The following SIN3B variants were observed in gnomAD, a reference collection of about 807,000 sequenced individuals.
SIN3B encodes SIN3 transcription regulator family member B.
A neutral mutation model predicts 120.2 loss-of-function variants in SIN3B; 19 were observed. That is an observed-to-expected ratio of 0.16 (90% CI 0.11 to 0.23). The LOEUF is 0.23. Among genes scored for constraint, SIN3B ranks in the 10% least tolerant of loss-of-function variants. The pLI is 1.00. For missense variants in SIN3B, 1,073 were observed against 1,573.0 expected (o/e 0.68, Z 5.38); for synonymous variants, 654 against 653.2 (o/e 1.00, Z -0.02).
rs559993443 is a variant in SIN3B at position 16,876,982 on chromosome 19, G to A, written c.2859+404G>A. On this transcript the variant is annotated intron_variant, in intron 16 of 18. Transcript: ENST00000248054. The surrounding 1 kb of genome is among the most constrained non-coding windows in gnomAD (Gnocchi z 7.1). The stretch of plus-strand genomic sequence containing the variant: ...AGCTCCCAGTCACAATTTTTGCGGG[G>A]ACAGATGTTTCCTGCTCACCTCCCG... The A allele has an allele frequency of 9.8e-6, 2 of 204,912 alleles. No homozygotes were observed. Among genetic ancestry groups the A allele is most frequent in the African/African-American group, 4.6e-5 (2 of 43,036 alleles). The allele number at this position is 204,912 out of a possible 1,614,324, so 12.7% of individuals were successfully genotyped here.
At chr19:16,832,703 A>G (rs907881288) in intron 3 of SIN3B, among the ~76,000 whole-genome samples, 3 of 151,380 alleles carry the variant, frequency 2.0e-5, no homozygotes, top group South Asian at 2.1e-4. Context: ...GGGTCTCACT[A>G]TGTTGCCCAG....
At position 16,869,498 on chromosome 19, in the gene SIN3B, T is replaced by C. The variant is rs145138077; in HGVS notation, c.1845T>C (p.Ser615=). 1.9e-6 allele frequency: 3 copies of C among 1,612,792 alleles called. No individual in the cohort carries two copies. The African/African-American group carries it at 4.0e-5, about 22-fold the overall frequency. The change falls in exon 13 of 19, where the codon TCT becomes TCC. Residue 615 remains serine (S), a synonymous_variant. Transcript: ENST00000248054. ...ACTCGGAGGGCCGCAGTGCCCCCTC[T>C]AGCGAGCCGCACCTCATCTTTGTGT... ...EQHSEGRSAP[S]SEPHLIFVYE... is the part of the protein sequence containing the mutation.
intron 3 of SIN3B, among the ~76,000 whole-genome samples, chr19:16,836,805 T>A (rs1394682263): frequency 6.6e-6 from 1 of 152,152 alleles, no homozygotes; most frequent in Non-Finnish European, 1.5e-5. Flanking sequence ...GCTCCTAACT[T>A]AAGCAGCCCC....
chr19:16,859,149 C>CA (rs1326813286), intron 8 of SIN3B, among the ~76,000 whole-genome samples: 9 of 150,268 alleles, frequency 6.0e-5, no homozygotes, highest in South Asian at 2.1e-4. Context: ...GAACCTGTCT[C>CA]AAAAAAAAAT....
In SIN3B at chr19:16,855,369, T is replaced by TCCCC. The variant is rs1491247135; in HGVS notation, c.1058+1108_1058+1109insCCCC. 1.9e-4 allele frequency: 6 copies of TCCCC among 31,742 alleles called. 2 individuals are homozygous for TCCCC. Among genetic ancestry groups the TCCCC allele is most frequent in the Non-Finnish European group, 2.6e-4 (4 of 15,448 alleles). 2.0% of individuals were successfully genotyped at this position (31,742 alleles called of 1,614,324 possible). ...CAGGAGGAACCCTCTGGGAGAAACC[T>TCCCC]TCCCCCCCCCCCCCCCAGCAAAATT... is the stretch of plus-strand genomic sequence containing the variant. On this transcript the variant is annotated intron_variant, in intron 8 of 18. Transcript: ENST00000248054.
rs749408125 is a variant in SIN3B, at chr19:16,869,443, C to T, written c.1807-17C>T. Reference sequence around the variant, plus strand: ...GCTGGGTGGCTTTCCACCTAATGGCCGCCCTTCCCCCCACAGCACCAGGAG... The same window carrying T: ...GCTGGGTGGCTTTCCACCTAATGGCTGCCCTTCCCCCCACAGCACCAGGAG... On this transcript the variant is annotated splice_polypyrimidine_tract_variant and intron_variant, in intron 12 of 18. Coordinates refer to ENST00000248054, the MANE Select transcript of SIN3B (RefSeq NM_001297595.2). The T allele has an allele frequency of 1.0e-5, 16 of 1,590,742 alleles. No individual in the cohort carries two copies. Among genetic ancestry groups the T allele is most frequent in the South Asian group, 3.4e-5 (3 of 88,984 alleles).
At chr19:16,834,590 G>A (rs1050142056) in intron 3 of SIN3B, among the ~76,000 whole-genome samples, 12 of 152,168 alleles carry the variant, frequency 7.9e-5, no homozygotes, top group African/African-American at 2.7e-4. Context: ...CTTGGTCATC[G>A]TGCTGCAGCC....
In SIN3B at chr19:16,878,337, G is replaced by A. The variant is rs756179341; in HGVS notation, c.3109G>A (p.Val1037Met). 20 of 1,612,454 alleles carry A rather than the reference G, an allele frequency of 1.2e-5. No homozygotes were observed. The highest frequency in any genetic ancestry group is 6.7e-5 in the African/African-American group (5 of 74,922). The change falls in exon 18 of 19, where the codon GTG becomes ATG. Residue 1037 changes from valine (V) to methionine (M), a missense_variant. Physicochemically the swap from Val to Met is conservative, Grantham distance 21. Coordinates refer to ENST00000248054, the MANE Select transcript of SIN3B (RefSeq NM_001297595.2). ...KLSTHKMVFI[V>M]NSEDYMYRRG... Reference sequence around the variant, plus strand: ...CAGCACTCACAAGATGGTGTTCATCGTGAACTCCGAGGACTACATGTACCG... The same window carrying A: ...CAGCACTCACAAGATGGTGTTCATCATGAACTCCGAGGACTACATGTACCG...
chr19:16,830,120 G>C (rs755208860), intron 2 of SIN3B, among the ~76,000 whole-genome samples: 4 of 152,218 alleles, frequency 2.6e-5, no homozygotes, highest in East Asian at 3.8e-4. Flanking sequence ...CAGGGATCTG[G>C]GGGGAGGCAG....
chr19:16,863,844 T>G, intron 10 of SIN3B, 48 bp downstream of exon 10: 5 of 1,348,334 alleles, frequency 3.7e-6, no homozygotes, highest in Non-Finnish European at 5.3e-6. Context: ...CCTGTTCCCC[T>G]TCTCCATGGG....
At chr19:16,836,907 C>T (rs1971355723) in intron 3 of SIN3B, among the ~76,000 whole-genome samples, 1 of 152,188 alleles carries the variant, frequency 6.6e-6, no homozygotes, top group African/African-American at 2.4e-5. Context: ...CTTCTTGGCT[C>T]ATGGAGCAGG....
intron 3 of SIN3B, among the ~76,000 whole-genome samples, chr19:16,836,136 C>T (rs1053996469): frequency 6.6e-6 from 1 of 152,160 alleles, no homozygotes; most frequent in Non-Finnish European, 1.5e-5. Flanking sequence ...CCAGACTGTT[C>T]TTTATGGCGA....
rs193154659 is a variant in SIN3B, at chr19:16,848,720, C to T, written c.726+1607C>T. Among the ~76,000 whole-genome samples the T allele has an allele frequency of 1.0e-3, 155 of 152,290 alleles. 1 individual carries two copies. The highest frequency in any genetic ancestry group is 4.1e-3 in the East Asian group (21 of 5,180). On this transcript the variant is annotated intron_variant, in intron 5 of 18. Transcript: ENST00000248054. ...TTCGCCATGTTGCCCAGGCTGGTCT[C>T]GAGCTCCTGGCCTCAAGCGATCCAC...
At position 16,866,554 on chromosome 19, in the gene SIN3B, G is replaced by C; in HGVS notation, c.1804G>C (p.Glu602Gln). The C allele has an allele frequency of 6.2e-7, 1 of 1,613,554 alleles. No individual in the cohort carries two copies. Among genetic ancestry groups the C allele is most frequent in the Non-Finnish European group, 8.5e-7 (1 of 1,179,938 alleles). Residue 602 changes from glutamate (E) to glutamine (Q), a missense_variant and splice_region_variant, in exon 12 of 19, where the codon GAG becomes CAG. Physicochemically the swap from Glu to Gln is conservative, Grantham distance 29. Coordinates refer to ENST00000248054, the MANE Select transcript of SIN3B (RefSeq NM_001297595.2). ...CAACGAGATCGAGAGCGTCTACGAC[G>C]AGGTAAAGCCTTCCCTAGCCCTGCC... is the stretch of plus-strand genomic sequence containing the variant. Reference protein sequence around the residue: ...LLNEIESVYDEHQEQHSEGRS... With the variant: ...LLNEIESVYDQHQEQHSEGRS...
intron 10 of SIN3B, 96 bp from the exon 11 acceptor site, chr19:16,865,314 C>CA (rs1193402606): frequency 1.3e-5 from 7 of 550,312 alleles, no homozygotes; most frequent in African/African-American, 1.2e-4. Flanking sequence ...ACACCCCCCC[C>CA]CCAAAAAAAT....
At chr19:16,841,721 CT>C in intron 3 of SIN3B, 46 bp from the exon 4 acceptor site, 1 of 1,559,214 alleles carries the variant, frequency 6.4e-7, no homozygotes, top group Non-Finnish European at 8.8e-7. Context: ...TTTTCACAAT[CT>C]GTTTCCAGTG....
In SIN3B at chr19:16,869,883, T is replaced by C; in HGVS notation, c.2230T>C (p.Phe744Leu). ...KPLDDVYSLF[F>L]ANNNWYFFLR... ...CCTGGACGATGTCTACAGCCTATTT[T>C]TTGCCAACAACAACTGGTACTTCTT... The change falls in exon 13 of 19, where the codon TTT (phenylalanine) becomes CTT (leucine). Residue 744 changes from phenylalanine to leucine, a missense_variant. Phe to Leu is a conservative substitution (Grantham distance 22). Coordinates refer to ENST00000248054, the MANE Select transcript of SIN3B (RefSeq NM_001297595.2). 6.2e-7 allele frequency: 1 copy of C among 1,614,238 alleles called. No homozygotes were observed. Among genetic ancestry groups the C allele is most frequent in the Non-Finnish European group, 8.5e-7 (1 of 1,180,048 alleles).
rs777836617 is a variant in SIN3B, at chr19:16,829,831, G to A, written c.161G>A (p.Arg54His). 2 of 1,613,466 alleles carry A rather than the reference G, an allele frequency of 1.2e-6. No homozygotes were observed. Among genetic ancestry groups the A allele is most frequent in the Non-Finnish European group, 1.7e-6 (2 of 1,179,690 alleles). Reference sequence around the variant, plus strand: ...ACCTATCTGGACCAGGTGAAGATCCGCTTTGGCAGCGACCCTGCCACCTAC... The same window carrying A: ...ACCTATCTGGACCAGGTGAAGATCCACTTTGGCAGCGACCCTGCCACCTAC... ...ALTYLDQVKI[R>H]FGSDPATYNG... is the part of the protein sequence containing the mutation. Residue 54 changes from arginine to histidine, a missense_variant, in exon 2 of 19, where the codon CGC (arginine) becomes CAC (histidine). By Grantham distance (29) the Arg-to-His change is conservative (BLOSUM62 0). Transcript: ENST00000248054.
chr19:16,877,781 CCT>C, intron 17 of SIN3B, 142 bp downstream of exon 17: 1 of 670,874 alleles, frequency 1.5e-6, no homozygotes. Flanking sequence ...CAGGCCCTGC[CCT>C]TTTGAGGCTT....
Sources: gnomAD v4.1 joint callset for allele counts (sites outside exome capture counted in the v4.1 genomes callset) on GRCh38, gnomAD v4.1.1 for gene constraint, Gnocchi (gnomAD v3.1) non-coding constraint, MANE v1.5 for transcripts, NCBI Gene and HGNC (gene_info 2026-07-23, HGNC 2026-07-21) for gene names.